TMTC2: variants seen among roughly 807,000 people sequenced by gnomAD.
The protein encoded by TMTC2 is transmembrane O-mannosyltransferase targeting cadherins 2.
A neutral mutation model predicts 82.4 loss-of-function variants in TMTC2; 43 were observed. That is an observed-to-expected ratio of 0.52 (90% CI 0.41 to 0.67). The LOEUF (loss-of-function observed/expected upper bound fraction) is 0.67. Ranked by LOEUF, TMTC2 falls within the 30% of genes least tolerant of loss-of-function variation. The pLI is 0.00. For synonymous variants in TMTC2, 408 were observed against 381.9 expected, an observed-to-expected ratio of 1.07 and a Z score of -0.80; for missense variants, 919 against 1,012.4, an observed-to-expected ratio of 0.91 and a Z score of 1.25.
chr12:82,890,949 A>G (rs2137171243), intron 2 of TMTC2, among the ~76,000 whole-genome samples: 1 of 152,314 alleles, frequency 6.6e-6, no homozygotes, highest in South Asian at 2.1e-4. Context: ...CACACTTTGA[A>G]GTCTTATTTT....
intron 3 of TMTC2, among the ~76,000 whole-genome samples, chr12:82,913,260 G>A (rs749405868): frequency 1.3e-5 from 2 of 152,168 alleles, no homozygotes; most frequent in African/African-American, 4.8e-5. Context: ...CTAATGCCAT[G>A]CTTCTGTTCT....
chr12:82,811,580 A>G (rs1462268332), intron 1 of TMTC2, among the ~76,000 whole-genome samples: 2 of 152,010 alleles, frequency 1.3e-5, no homozygotes, highest in African/African-American at 4.8e-5. Context: ...TTAAAGCTTT[A>G]GTATTTTCAA....
intron 8 of TMTC2, among the ~76,000 whole-genome samples, chr12:82,997,163 T>TCC (rs1879657807): frequency 1.8e-5 from 1 of 55,074 alleles, no homozygotes; most frequent in Non-Finnish European, 4.8e-5. Context: ...CTTCCCTCTC[T>TCC]CTCTCTCTCT....
chr12:82,989,996 A>G (rs1051772598), intron 8 of TMTC2, among the ~76,000 whole-genome samples: 3 of 152,090 alleles, frequency 2.0e-5, no homozygotes, highest in South Asian at 2.1e-4. Flanking sequence ...TCTGATCCCT[A>G]TGGATAGCTT....
intron 11 of TMTC2, among the ~76,000 whole-genome samples, chr12:83,113,104 T>C (rs1158310237): frequency 6.6e-6 from 1 of 152,190 alleles, no homozygotes; most frequent in African/African-American, 2.4e-5. Flanking sequence ...CAACAGTTGA[T>C]TGGGCTCTAG....
intron 1 of TMTC2, among the ~76,000 whole-genome samples, chr12:82,793,454 ATTAT>A: frequency 6.6e-6 from 1 of 151,842 alleles, no homozygotes; most frequent in South Asian, 2.1e-4. Flanking sequence ...TCTAAGAAAC[ATTAT>A]TTAATTAATG....
chr12:83,067,850 G>A (rs1404396355), intron 11 of TMTC2, among the ~76,000 whole-genome samples: 1 of 151,890 alleles, frequency 6.6e-6, no homozygotes, highest in African/African-American at 2.4e-5. Context: ...CTAATATTTA[G>A]AATATTTTAT....
intron 9 of TMTC2, among the ~76,000 whole-genome samples, chr12:83,050,140 T>C (rs1288498178): frequency 6.6e-6 from 1 of 152,212 alleles, no homozygotes; most frequent in African/African-American, 2.4e-5. Context: ...CTTCAGCGTA[T>C]GTTTGTCATC....
intron 9 of TMTC2, among the ~76,000 whole-genome samples, chr12:83,046,165 G>A (rs981221672): frequency 6.6e-6 from 1 of 152,118 alleles, no homozygotes; most frequent in East Asian, 1.9e-4. Context: ...CAAGAACTGA[G>A]GTTGCTGTAG....
At chr12:82,865,194 C>T (rs1485219468) in intron 2 of TMTC2, among the ~76,000 whole-genome samples, 2 of 152,084 alleles carry the variant, frequency 1.3e-5, no homozygotes, top group Non-Finnish European at 2.9e-5. Context: ...TCGCTGCACT[C>T]CAGTCTGGAC....
At chr12:83,015,835 G>A (rs957695564) in intron 8 of TMTC2, among the ~76,000 whole-genome samples, 9 of 152,270 alleles carry the variant, frequency 5.9e-5, no homozygotes, top group Non-Finnish European at 7.3e-5. Context: ...TACGCTTGTC[G>A]CTTGTATTTA....
intron 11 of TMTC2, among the ~76,000 whole-genome samples, chr12:83,084,756 C>A (rs942762606): frequency 6.6e-6 from 1 of 152,146 alleles, no homozygotes; most frequent in African/African-American, 2.4e-5. Flanking sequence ...ATATTACTGG[C>A]AAGGCACCTA....
chr12:82,890,897 G>T (rs1255699916), intron 2 of TMTC2, among the ~76,000 whole-genome samples: 1 of 152,100 alleles, frequency 6.6e-6, no homozygotes, highest in Non-Finnish European at 1.5e-5. Context: ...CTTTTCTAAT[G>T]CTCCCTATCA....
At chr12:82,973,865 G>A (rs1453707797) in intron 7 of TMTC2, among the ~76,000 whole-genome samples, 1 of 152,152 alleles carries the variant, frequency 6.6e-6, no homozygotes, top group Non-Finnish European at 1.5e-5. Flanking sequence ...TGAGACAGTT[G>A]ATTATATTTC....
At chr12:82,830,138 T>G (rs1409422762) in intron 1 of TMTC2, among the ~76,000 whole-genome samples, 2 of 152,204 alleles carry the variant, frequency 1.3e-5, no homozygotes, top group Non-Finnish European at 2.9e-5. Context: ...TTACGTTTTT[T>G]TTTCTTTAAG....
intron 1 of TMTC2, among the ~76,000 whole-genome samples, chr12:82,751,313 C>A (rs1875988608): frequency 6.6e-6 from 1 of 151,246 alleles, no homozygotes; most frequent in Admixed American, 6.6e-5. Flanking sequence ...CGCATATTCT[C>A]ACTCATAGGT....
chr12:82,807,235 A>G (rs1261672961), intron 1 of TMTC2, among the ~76,000 whole-genome samples: 4 of 152,098 alleles, frequency 2.6e-5, no homozygotes, highest in Non-Finnish European at 5.9e-5. Context: ...GGTTCCTTTA[A>G]TTTGATAGTT....
chr12:83,035,988 GGGA>G (rs1313333226), intron 9 of TMTC2, among the ~76,000 whole-genome samples: 2 of 152,156 alleles, frequency 1.3e-5, no homozygotes, highest in Non-Finnish European at 2.9e-5. Flanking sequence ...AAAGTTAGAA[GGGA>G]GGAGATTGTA....
At chr12:82,996,617 T>A (rs915152372) in intron 8 of TMTC2, among the ~76,000 whole-genome samples, 3 of 152,196 alleles carry the variant, frequency 2.0e-5, no homozygotes, top group Non-Finnish European at 2.9e-5. Flanking sequence ...CATGTGTAAG[T>A]AGGACTCTTT....
Sources: gnomAD v4.1 joint callset for allele counts (sites outside exome capture counted in the v4.1 genomes callset) on GRCh38, gnomAD v4.1.1 for gene constraint, MANE v1.5 for transcripts, NCBI Gene and HGNC (gene_info 2026-07-23, HGNC 2026-07-21) for gene names.